VPS53: variants seen among roughly 807,000 people sequenced by gnomAD.
VPS53 encodes vacuolar protein sorting-associated protein 53 homolog.
VPS53 carries 70 observed loss-of-function variants against 107.0 expected under a neutral mutation model. That is an observed-to-expected ratio of 0.65 (90% CI 0.54 to 0.80). The LOEUF is 0.80. Among genes scored for constraint, VPS53 ranks in the 30% least tolerant of loss-of-function variants. The pLI is 0.00. For missense variants in VPS53, 917 were observed against 1,049.4 expected, an observed-to-expected ratio of 0.87 and a Z score of 1.74; for synonymous variants, 409 against 393.3, an observed-to-expected ratio of 1.04 and a Z score of -0.47.
chr17:623,551 G>C lies in VPS53; in HGVS notation c.1098C>G (p.Thr366=). 2.5e-6 allele frequency: 4 copies of C among 1,613,206 alleles called. No individual in the cohort carries two copies. The highest frequency in any genetic ancestry group is 3.4e-6 in the Non-Finnish European group (4 of 1,179,358). Residue 366 remains threonine, a synonymous_variant, in exon 11 of 22, where the codon ACC becomes ACG. Coordinates refer to ENST00000437048, the MANE Select transcript of VPS53 (RefSeq NM_001128159.3). ...GTCTTACCAGGGTCCCATCGGTCAG[G>C]GTGCAGCCGGAGAAGCGTTTTGCAA... The part of the protein sequence containing the change: ...GFLAKRFSGC[T]LTDGTLKKLE...
intron 7 of VPS53, chr17:632,755 C>T (rs1458920256): frequency 5.9e-5 from 27 of 456,260 alleles, no homozygotes; most frequent in Non-Finnish European, 1.3e-5. Flanking sequence ...TGAGTGAGAA[C>T]ATGAGGAATC....
chr17:707,157 C>CTT (rs10658178), intron 2 of VPS53, among the ~76,000 whole-genome samples: 150,830 of 152,326 alleles, frequency 0.99, 74,698 homozygotes, highest in Middle Eastern at 1. Flanking sequence ...TGAAGCCTAA[C>CTT]ATTTAAAATT....
chr17:593,305 C>A (rs1332732238), intron 12 of VPS53, among the ~76,000 whole-genome samples: 62 of 152,076 alleles, frequency 4.1e-4, no homozygotes, highest in Middle Eastern at 6.8e-3. Flanking sequence ...CAAAATTGAC[C>A]AATGGGATCT....
At chr17:540,772 C>T (rs908103091) in intron 17 of VPS53, among the ~76,000 whole-genome samples, 1 of 152,096 alleles carries the variant, frequency 6.6e-6, no homozygotes, top group African/African-American at 2.4e-5. Flanking sequence ...TGAGTGCCTC[C>T]GGGACCTAGT....
intron 17 of VPS53, among the ~76,000 whole-genome samples, chr17:550,005 G>A (rs72808267): frequency 6.1e-4 from 93 of 152,286 alleles, no homozygotes; most frequent in Non-Finnish European, 1.1e-3. Context: ...CCAAATGTCT[G>A]CTTACACAAC....
rs994040270 is a variant in VPS53, at chr17:514,630, G to A, written c.*4498C>T. On this transcript the variant is annotated 3_prime_UTR_variant, in exon 22 of 22. Coordinates refer to ENST00000437048, the MANE Select transcript of VPS53 (RefSeq NM_001128159.3). ...GCTGTGCACATGCAGCATTTCCCCTGGCATTCTTTCAACAGGGAACCAGGT... is the reference window on the plus strand; with the variant it reads ...GCTGTGCACATGCAGCATTTCCCCTAGCATTCTTTCAACAGGGAACCAGGT... 1 of 152,524 alleles carries A rather than the reference G, an allele frequency of 6.6e-6. No homozygotes were observed. The highest frequency in any genetic ancestry group is 2.4e-5 in the African/African-American group (1 of 41,464). 9.4% of individuals were successfully genotyped at this position (152,524 alleles called of 1,614,324 possible).
At chr17:612,567 TACTC>T (rs972779917) in intron 11 of VPS53, among the ~76,000 whole-genome samples, 13 of 149,168 alleles carry the variant, frequency 8.7e-5, no homozygotes, top group African/African-American at 1.8e-4. Context: ...CCTGTACAGA[TACTC>T]ACAGCAGTAA....
At chr17:574,061 T>G (rs575685288) in intron 13 of VPS53, among the ~76,000 whole-genome samples, 1 of 152,308 alleles carries the variant, frequency 6.6e-6, no homozygotes, top group African/African-American at 2.4e-5. Context: ...TTTAAAATGG[T>G]TAATAACGAG....
chr17:646,726 G>A (rs1477138062), intron 7 of VPS53, among the ~76,000 whole-genome samples: 10 of 117,666 alleles, frequency 8.5e-5, no homozygotes, highest in Admixed American at 1.9e-4. Context: ...CTCCGTGACC[G>A]CGTGGCCACT....
At chr17:669,787 G>A (rs1181516074) in intron 4 of VPS53, among the ~76,000 whole-genome samples, 2 of 151,688 alleles carry the variant, frequency 1.3e-5, no homozygotes, top group Non-Finnish European at 2.9e-5. Context: ...AGCTACTCGG[G>A]AGGCTGAGGC....
At position 572,864 on chromosome 17, in the gene VPS53, C is replaced by T. The variant is rs541778002; in HGVS notation, c.1314-10119G>A. On this transcript the variant is annotated intron_variant, in intron 13 of 21. Coordinates refer to ENST00000437048, the MANE Select transcript of VPS53 (RefSeq NM_001128159.3). ...TTAAGAGTCATCACCACTCCCTAAT[C>T]TCAAGTACCCAGGGACACAAACACT... Among the ~76,000 whole-genome samples, 3 of 151,084 alleles carry T rather than the reference C, an allele frequency of 2.0e-5. No individual in the cohort carries two copies. The East Asian group carries it at 5.8e-4, about 29-fold the overall frequency.
chr17:618,256 C>T (rs8069270), intron 11 of VPS53, among the ~76,000 whole-genome samples: 2 of 87,176 alleles, frequency 2.3e-5, no homozygotes, highest in Non-Finnish European at 5.5e-5. Flanking sequence ...CGTGCACCAC[C>T]ACGCCTGCTA....
chr17:613,286 ACAG>A (rs1299330555), intron 11 of VPS53, among the ~76,000 whole-genome samples: 1 of 150,200 alleles, frequency 6.7e-6, no homozygotes, highest in Non-Finnish European at 1.5e-5. Flanking sequence ...ACAGATATTC[ACAG>A]CAGTATTCAA....
chr17:690,510 G>A (rs1243378631), intron 4 of VPS53, among the ~76,000 whole-genome samples: 1 of 152,240 alleles, frequency 6.6e-6, no homozygotes, highest in Non-Finnish European at 1.5e-5. Flanking sequence ...CAGCTGATTA[G>A]AATTCACTTG....
intron 10 of VPS53, among the ~76,000 whole-genome samples, chr17:625,750 C>G (rs954364366): frequency 6.6e-6 from 1 of 152,114 alleles, no homozygotes; most frequent in African/African-American, 2.4e-5. Flanking sequence ...AGCCAATATC[C>G]CTTAAAACAC....
In VPS53 at chr17:515,895, A is replaced by G. The variant is rs926071359; in HGVS notation, c.*3233T>C. ...CTGCAACCTCCGCCTCCCGGATTCA[A>G]CTGATTCCCCTGCCTCAGCCTCCCA... On this transcript the variant is annotated 3_prime_UTR_variant, in exon 22 of 22. Transcript: ENST00000437048. The G allele has an allele frequency of 6.7e-6, 1 of 150,038 alleles. No individual in the cohort carries two copies. The highest frequency in any genetic ancestry group is 1.5e-5 in the Non-Finnish European group (1 of 67,734). 9.3% of individuals were successfully genotyped at this position (150,038 alleles called of 1,614,324 possible). A position where few individuals can be genotyped will look rare whatever the true frequency, so the allele number is the denominator to read the frequency against.
At chr17:645,500 A>C (rs908317712) in intron 7 of VPS53, among the ~76,000 whole-genome samples, 10 of 152,212 alleles carry the variant, frequency 6.6e-5, no homozygotes, top group African/African-American at 2.4e-4. Context: ...ACAAGTTTTA[A>C]AATTTTTCAT....
rs1908700250 is a variant in VPS53, at chr17:520,874, A to G, written c.2223+727T>C. On this transcript the variant is annotated intron_variant, in intron 20 of 21. Transcript: ENST00000437048. The surrounding 1 kb of genome is among the most constrained non-coding windows in gnomAD (Gnocchi z 4.4). ...ACATGAGCTCTTCACCCTCACCTAC[A>G]TGAGCTCTTCACCCTTACCTACATG... Among the ~76,000 whole-genome samples the G allele has an allele frequency of 6.6e-6, 1 of 150,950 alleles. No homozygotes were observed. Among genetic ancestry groups the G allele is most frequent in the African/African-American group, 2.4e-5 (1 of 40,950 alleles).
chr17:571,964 C>T lies in VPS53; in HGVS notation c.1314-9219G>A, dbSNP rs1240681473. ...GAGTGCAGCCTCTGCCCGGCCGCCA[C>T]CCCGTCTAGGAAGTGAGGAGCGTCT... On this transcript the variant is annotated intron_variant, in intron 13 of 21. Coordinates refer to ENST00000437048, the MANE Select transcript of VPS53 (RefSeq NM_001128159.3). 7.9e-5 allele frequency among the ~76,000 whole-genome samples: 12 copies of T among 151,876 alleles called. 1 individual carries two copies. Among genetic ancestry groups the T allele is most frequent in the African/African-American group, 2.9e-4 (12 of 41,326 alleles).
Sources: gnomAD v4.1 joint callset for allele counts (sites outside exome capture counted in the v4.1 genomes callset) on GRCh38, gnomAD v4.1.1 for gene constraint, Gnocchi (gnomAD v3.1) non-coding constraint, MANE v1.5 for transcripts, NCBI Gene and HGNC (gene_info 2026-07-23, HGNC 2026-07-21) for gene names.